The following NLGN4X variants were observed in gnomAD, a reference collection of about 807,000 sequenced individuals.
NLGN4X encodes the protein neuroligin 4 X-linked.
NLGN4X carries 3 observed loss-of-function variants against 40.3 expected under a neutral mutation model. The ratio of observed to expected loss-of-function variants is 0.07; its 90% CI spans 0.03 to 0.19. The LOEUF (loss-of-function observed/expected upper bound fraction) is 0.19, where lower values mean the gene tolerates loss of function less well. Ranked by LOEUF, NLGN4X falls within the 10% of genes least tolerant of loss-of-function variation. The pLI is 1.00. For synonymous variants in NLGN4X, 270 were observed against 306.8 expected, an observed-to-expected ratio of 0.88 and a Z score of 1.25; for missense variants, 382 against 708.3, an observed-to-expected ratio of 0.54 and a Z score of 5.23.
chrX:6,024,571 G>T (rs1015913868), intron 3 of NLGN4X, among the ~76,000 whole-genome samples: 2 of 110,434 alleles, frequency 1.8e-5, no homozygotes, highest in African/African-American at 6.6e-5. Flanking sequence ...CTGATAAAAG[G>T]ATGCAGTAAA....
At chrX:6,018,887 G>A (rs6529912) in intron 3 of NLGN4X, among the ~76,000 whole-genome samples, 7,937 of 111,858 alleles carry the variant, frequency 0.071, 623 homozygotes, top group African/African-American at 0.23. Context: ...GCAATGTTGC[G>A]TTGAGCATTC....
chrX:6,108,516 A>C (rs1445142990), intron 2 of NLGN4X, among the ~76,000 whole-genome samples: 2 of 109,893 alleles, frequency 1.8e-5, no homozygotes, highest in Non-Finnish European at 3.8e-5. Flanking sequence ...ATAAATAAAT[A>C]AATAAATAAA....
chrX:5,953,611 A>C (rs1260085486), intron 3 of NLGN4X, among the ~76,000 whole-genome samples: 1 of 111,898 alleles, frequency 8.9e-6, no homozygotes, highest in Non-Finnish European at 1.9e-5. Flanking sequence ...TATCCATAAT[A>C]GTTAAAATTA....
intron 3 of NLGN4X, among the ~76,000 whole-genome samples, chrX:5,971,977 G>T (rs188799371): frequency 1.8e-5 from 2 of 112,041 alleles, no homozygotes; most frequent in Admixed American, 1.9e-4. Flanking sequence ...TATCCTTAAA[G>T]ATAATGAATT....
chrX:5,987,128 CACTAT>C (rs1409175333), intron 3 of NLGN4X, among the ~76,000 whole-genome samples: 1 of 111,280 alleles, frequency 9.0e-6, no homozygotes, highest in Admixed American at 9.5e-5. Context: ...GACTTTAGAA[CACTAT>C]ACAACAATTA....
intron 3 of NLGN4X, among the ~76,000 whole-genome samples, chrX:5,936,844 A>G (rs1391091504): frequency 8.9e-6 from 1 of 112,291 alleles, no homozygotes; most frequent in Non-Finnish European, 1.9e-5. Context: ...GTGAAATCCA[A>G]AAACAAGAAG....
Position 6,081,471 on chromosome X carries a change from T to C in NLGN4X, c.473-52039A>G, listed in dbSNP as rs1487901564. On this transcript the variant is annotated intron_variant, in intron 2 of 5. Coordinates refer to ENST00000381095, the MANE Select transcript of NLGN4X (RefSeq NM_181332.3). ...ATCTCTCTTTTTTGATATAAATGCA[T>C]GCTGAAGGTTCTGGCCTCACTCCTG... Among the ~76,000 whole-genome samples, 7 of 112,281 alleles carry C rather than the reference T, an allele frequency of 6.2e-5. No individual in the cohort carries two copies. In the East Asian group the frequency reaches 1.4e-3, roughly 23 times the overall value.
At chrX:6,225,689 C>CTTTTTTTTTTTTTTTTTTTTTTTTTTT in intron 1 of NLGN4X, among the ~76,000 whole-genome samples, 523 of 26,942 alleles carry the variant, frequency 0.019, 73 homozygotes, top group Non-Finnish European at 0.027. Context: ...TTCTTTTTTT[C>CTTTTTTTTTTTTTTTTTTTTTTTTTTT]TTTTTTTTTT....
intron 3 of NLGN4X, among the ~76,000 whole-genome samples, chrX:5,983,503 A>C (rs372310688): frequency 4.5e-5 from 5 of 112,186 alleles, no homozygotes; most frequent in African/African-American, 1.6e-4. Context: ...AATCAAATCA[A>C]ACTTCTAGAT....
chrX:5,928,918 CA>C (rs1387282890), intron 3 of NLGN4X, among the ~76,000 whole-genome samples: 23 of 108,474 alleles, frequency 2.1e-4, no homozygotes, highest in Non-Finnish European at 1.3e-4. Flanking sequence ...CTCCTGGGCT[CA>C]AGTGATCCTC....
chrX:6,157,357 G>A (rs2040291709), intron 1 of NLGN4X, among the ~76,000 whole-genome samples: 2 of 111,740 alleles, frequency 1.8e-5, no homozygotes, highest in South Asian at 7.5e-4. Flanking sequence ...GCCCAGCCAA[G>A]ACGAATTGGA....
At chrX:6,125,665 T>G (rs1336767615) in intron 2 of NLGN4X, among the ~76,000 whole-genome samples, 1 of 111,451 alleles carries the variant, frequency 9.0e-6, no homozygotes, top group Non-Finnish European at 1.9e-5. Flanking sequence ...CTATAAGTAG[T>G]AATGAAAGAA....
chrX:6,044,576 T>C (rs772604558), intron 2 of NLGN4X, among the ~76,000 whole-genome samples: 1 of 111,391 alleles, frequency 9.0e-6, no homozygotes, highest in Non-Finnish European at 1.9e-5. Context: ...GATACTGTAA[T>C]GGTGGATTTA....
At chrX:6,082,990 C>T (rs1323465540) in intron 2 of NLGN4X, among the ~76,000 whole-genome samples, 3 of 79,158 alleles carry the variant, frequency 3.8e-5, no homozygotes, top group East Asian at 3.9e-4. Context: ...GACGGAGTCT[C>T]GCTGTCGCCC....
In NLGN4X at chrX:6,042,943, T is replaced by A. The variant is rs138294527; in HGVS notation, c.473-13511A>T. On this transcript the variant is annotated intron_variant, in intron 2 of 5. Transcript: ENST00000381095. Reference sequence around the variant, plus strand: ...ATACAAAAAATAGCCAGACATGGTGTCACATGCCTGTAATCACAGCTACTT... The same window carrying A: ...ATACAAAAAATAGCCAGACATGGTGACACATGCCTGTAATCACAGCTACTT... 3.5e-3 allele frequency among the ~76,000 whole-genome samples: 364 copies of A among 104,386 alleles called. 1 individual carries two copies. The highest frequency in any genetic ancestry group is 0.01 in the African/African-American group (295 of 28,747). The allele number at this position is 104,386 out of a possible 115,157, so 90.6% of individuals were successfully genotyped here. A position where few individuals can be genotyped will look rare whatever the true frequency, so the allele number is the denominator to read the frequency against.
intron 1 of NLGN4X, among the ~76,000 whole-genome samples, chrX:6,152,239 C>T (rs941801642): frequency 1.8e-5 from 2 of 111,814 alleles, no homozygotes. Flanking sequence ...TGCCTAGCAG[C>T]CACCACTTGT....
chrX:5,990,614 C>T (rs1243440919), intron 3 of NLGN4X, among the ~76,000 whole-genome samples: 1 of 112,068 alleles, frequency 8.9e-6, no homozygotes, highest in African/African-American at 3.2e-5. Context: ...TTCACTATTT[C>T]ACCCATTTAT....
chrX:5,975,105 G>A (rs1382637620), intron 3 of NLGN4X, among the ~76,000 whole-genome samples: 2 of 111,884 alleles, frequency 1.8e-5, no homozygotes, highest in Non-Finnish European at 3.8e-5. Flanking sequence ...ACAACCAAGG[G>A]CAATGTAAAA....
intron 1 of NLGN4X, among the ~76,000 whole-genome samples, chrX:6,158,327 A>G (rs1316886572): frequency 9.0e-6 from 1 of 111,483 alleles, no homozygotes; most frequent in Non-Finnish European, 1.9e-5. Context: ...AACTGCTTCC[A>G]TGCTTTTGTT....
Sources: allele counts gnomAD v4.1 joint callset (sites outside exome capture counted in the v4.1 genomes callset), GRCh38; gene constraint gnomAD v4.1.1; transcripts MANE v1.5; gene names NCBI Gene and HGNC (gene_info 2026-07-23, HGNC 2026-07-21).